Variants in ACOT11 observed in about 807,000 individuals in gnomAD.
ACOT11 encodes acyl-CoA thioesterase 11, also known as acyl-coenzyme A thioesterase 11.
Under a neutral mutation model 77.5 loss-of-function variants are expected in ACOT11, and 69 were observed. The observed-to-expected ratio is 0.89, with a 90% CI of 0.73 to 1.09. ACOT11 has a LOEUF of 1.09. Among genes scored for constraint, ACOT11 ranks in the 50% least tolerant of loss-of-function variants. The probability of loss-of-function intolerance (pLI) is 0.00; values close to 1 mark genes in which losing one functional copy is unlikely to be tolerated. For missense variants in ACOT11, 766 were observed against 813.7 expected (o/e 0.94, Z 0.71); for synonymous variants, 279 against 313.0 (o/e 0.89, Z 1.15).
chr1:54,612,744 G>T, downstream of ACOT11: 2 of 1,545,604 alleles, frequency 1.3e-6, no homozygotes, highest in Non-Finnish European at 1.8e-6. Context: ...GTCTCACGGA[G>T]CTGCAGCGGC....
In ACOT11 at chr1:54,607,952, G is replaced by A. The variant is rs774717264; in HGVS notation, c.1513G>A (p.Val505Ile). 3 of 1,613,878 alleles carry A rather than the reference G, an allele frequency of 1.9e-6. No individual in the cohort carries two copies. The South Asian group carries it at 3.3e-5, about 18-fold the overall frequency. Residue 505 changes from valine to isoleucine, a missense_variant, in exon 15 of 16, where the codon GTC becomes ATC. Transcript: ENST00000343744. The surrounding 1 kb of genome is among the most constrained non-coding windows in gnomAD (Gnocchi z 4.5). ...CCTTCCTTCACTCAGGGACCCCTAT[G>A]TCATCGCGCTGAGGTCGGTCACGCT... is the stretch of plus-strand genomic sequence containing the variant. Reference protein sequence around the residue: ...RKPCDNGDPYVIALRSVTLPT... With the variant: ...RKPCDNGDPYIIALRSVTLPT...
chr1:54,630,740 TG>T lies in ACOT11; in HGVS notation c.1639del (p.Val547LeufsTer5). On this transcript the variant is annotated frameshift_variant, in exon 16 of 17. Coordinates refer to the ACOT11 transcript ENST00000371316. LOFTEE classifies it high-confidence loss of function. ...TGTCTTTTAATTCCTCTAGTGCTGC[TG>T]GGTTAGGGTCTCCCTGACTGAGCTG... 1.4e-6 allele frequency: 1 copy of T among 735,906 alleles called. No homozygotes were observed. Among genetic ancestry groups the T allele is most frequent in the Non-Finnish European group, 2.5e-6 (1 of 397,502 alleles). The allele number at this position is 735,906 out of a possible 1,614,324, so 45.6% of individuals were successfully genotyped here.
intron 1 of ACOT11, among the ~76,000 whole-genome samples, chr1:54,561,944 C>G (rs1311306932): frequency 1.2e-5 from 1 of 82,870 alleles, no homozygotes; most frequent in Non-Finnish European, 2.2e-5. Flanking sequence ...CCGGACGGGG[C>G]GGCTGGCCGG....
intron 1 of ACOT11, among the ~76,000 whole-genome samples, chr1:54,579,547 G>A (rs1654231404): frequency 6.6e-6 from 1 of 152,198 alleles, no homozygotes; most frequent in Non-Finnish European, 1.5e-5. Context: ...CTGGGGGAGA[G>A]GGAAGGGGCT....
intron 13 of ACOT11, 99 bp downstream of exon 13, chr1:54,605,308 T>C (rs1644011973): frequency 7.0e-7 from 1 of 1,436,398 alleles, no homozygotes; most frequent in African/African-American, 1.4e-5. Flanking sequence ...TGCTCTGCCC[T>C]GCTGGGGCTG....
In ACOT11 at chr1:54,594,591, G is replaced by T; in HGVS notation, c.507G>T (p.Glu169Asp). Residue 169 changes from glutamate to aspartate, a missense_variant, in exon 6 of 16, where the codon GAG becomes GAT. Transcript: ENST00000343744. ...AGCAGATCACGCCGCGGACAGAAGAGGAGAAGATGGAGCACAGTGTGGCGG... is the reference window on the plus strand; with the variant it reads ...AGCAGATCACGCCGCGGACAGAAGATGAGAAGATGGAGCACAGTGTGGCGG... Reference protein sequence around the residue: ...KLKQITPRTEEEKMEHSVAAE... With the variant: ...KLKQITPRTEDEKMEHSVAAE... 1 of 1,614,130 alleles carries T rather than the reference G, an allele frequency of 6.2e-7. No homozygotes were observed. Among genetic ancestry groups the T allele is most frequent in the Non-Finnish European group, 8.5e-7 (1 of 1,179,980 alleles).
rs763020030 is a variant in ACOT11, at chr1:54,605,135, G to A, written c.1296G>A (p.Val432=). 6.2e-7 allele frequency: 1 copy of A among 1,614,032 alleles called. No individual in the cohort carries two copies. Among genetic ancestry groups the A allele is most frequent in the Non-Finnish European group, 8.5e-7 (1 of 1,180,034 alleles). Residue 432 remains valine, a synonymous_variant, in exon 13 of 16, where the codon GTG becomes GTA. Transcript: ENST00000343744. ...KFLSFHMEMV[V]HVDAAQAFLL... The stretch of plus-strand genomic sequence containing the variant: ...TCTCCTTCCACATGGAGATGGTGGT[G>A]CATGTGGATGCAGCCCAGGCCTTCC...
Position 54,568,590 on chromosome 1 carries a change from C to G in ACOT11, c.34-16065C>G, listed in dbSNP as rs527262408. On this transcript the variant is annotated intron_variant, in intron 1 of 15. Coordinates refer to ENST00000343744, the MANE Select transcript of ACOT11 (RefSeq NM_147161.4). The stretch of plus-strand genomic sequence containing the variant: ...TTTTGGTCAGACTGGTCTCCAGCTC[C>G]CAACCTCAGGTGATCCACTCACTTC... 1.3e-3 allele frequency among the ~76,000 whole-genome samples: 201 copies of G among 152,116 alleles called. 4 individuals carry two copies. Among genetic ancestry groups the G allele is most frequent in the South Asian group, 0.013 (62 of 4,820 alleles).
chr1:54,623,529 G>A, intron 15 of ACOT11: 1 of 700,982 alleles, frequency 1.4e-6, no homozygotes, highest in Non-Finnish European at 2.5e-6. Flanking sequence ...CTGCTCTGCA[G>A]CCCTGTAATA....
At chr1:54,615,588 T>C (rs1644164572) in intron 15 of ACOT11, among the ~76,000 whole-genome samples, 1 of 151,316 alleles carries the variant, frequency 6.6e-6, no homozygotes, top group Non-Finnish European at 1.5e-5. Flanking sequence ...GGGGTTAGGA[T>C]TGGTGGATGC....
chr1:54,568,277 T>G (rs972167382), intron 1 of ACOT11, among the ~76,000 whole-genome samples: 1 of 151,962 alleles, frequency 6.6e-6, no homozygotes, highest in Non-Finnish European at 1.5e-5. Context: ...CTCATAGCAC[T>G]TTTCCCTCTT....
In ACOT11 at chr1:54,554,002, G is replaced by T. The variant is rs138004487; in HGVS notation, c.33+5660G>T. Among the ~76,000 whole-genome samples the T allele has an allele frequency of 7.5e-3, 1,138 of 151,984 alleles. 11 individuals are homozygous for T. The highest frequency in any genetic ancestry group is 0.026 in the African/African-American group (1,074 of 41,456). On this transcript the variant is annotated intron_variant, in intron 1 of 15. Coordinates refer to ENST00000343744, the MANE Select transcript of ACOT11 (RefSeq NM_147161.4). The stretch of plus-strand genomic sequence containing the variant: ...CAGCCTGGGCAACATGGCAAAACCC[G>T]ATCTCTACAAAAACCACAAAAATTG...
chr1:54,593,031 A>G (rs972740261), intron 4 of ACOT11, among the ~76,000 whole-genome samples: 1 of 152,174 alleles, frequency 6.6e-6, no homozygotes, highest in South Asian at 2.1e-4. Flanking sequence ...CCGTCTCCTC[A>G]TCTGCAAAAG....
chr1:54,548,370 AG>A, intron 1 of ACOT11, 28 bp downstream of exon 1: 1 of 1,595,230 alleles, frequency 6.3e-7, no homozygotes, highest in African/African-American at 1.3e-5. Flanking sequence ...GGGCAGCGGG[AG>A]GGCTCTGGAA....
At chr1:54,594,444 C>A in intron 5 of ACOT11, 112 bp from the exon 6 acceptor site, 1 of 1,368,006 alleles carries the variant, frequency 7.3e-7, no homozygotes, top group Non-Finnish European at 9.8e-7. Context: ...TGAGCAGCAG[C>A]CCACGCCTGC....
At position 54,592,583 on chromosome 1, in the gene ACOT11, C is replaced by T. The variant is rs758240522; in HGVS notation, c.349C>T (p.Arg117Trp). 9.9e-6 allele frequency: 16 copies of T among 1,613,182 alleles called. No individual in the cohort carries two copies. The highest frequency in any genetic ancestry group is 3.3e-5 in the South Asian group (3 of 90,884). ...GGTGAATATCAAGGCCAAGGTGAACCGGGCCTTCAACTCCAGCATGGAGGT... is the reference window on the plus strand; with the variant it reads ...GGTGAATATCAAGGCCAAGGTGAACTGGGCCTTCAACTCCAGCATGGAGGT... ...QVVNIKAKVN[R>W]AFNSSMEVGI... The change falls in exon 4 of 16, where the codon CGG becomes TGG. Residue 117 changes from arginine to tryptophan, a missense_variant. Physicochemically the swap from Arg to Trp is moderately radical, Grantham distance 101. Coordinates refer to ENST00000343744, the MANE Select transcript of ACOT11 (RefSeq NM_147161.4).
rs372784167 is a variant in ACOT11, at chr1:54,609,875, A to G, written c.*763A>G. The G allele has an allele frequency of 6.2e-6, 10 of 1,613,496 alleles. No individual in the cohort carries two copies. The highest frequency in any genetic ancestry group is 3.3e-5 in the Admixed American group (2 of 60,010). On this transcript the variant is annotated 3_prime_UTR_variant, in exon 16 of 16. Coordinates refer to ENST00000343744, the MANE Select transcript of ACOT11 (RefSeq NM_147161.4). ...GATGTTGCCACTTGGAGTATGAACA[A>G]TGGGCACGGGGTTTTCAGCCACAGT...
downstream of ACOT11, chr1:54,610,720 C>T: frequency 1.0e-6 from 1 of 979,746 alleles, no homozygotes; most frequent in Non-Finnish European, 1.2e-6. Context: ...GAAGAAGTGA[C>T]TTGCCCAAGG....
At chr1:54,589,831 T>A (rs1654642657) in intron 3 of ACOT11, among the ~76,000 whole-genome samples, 1 of 152,014 alleles carries the variant, frequency 6.6e-6, no homozygotes, top group Non-Finnish European at 1.5e-5. Flanking sequence ...TAATTGTAAT[T>A]GGTTGCTTCT....
Sources: gnomAD v4.1 joint callset for allele counts (sites outside exome capture counted in the v4.1 genomes callset) on GRCh38, gnomAD v4.1.1 for gene constraint, Gnocchi (gnomAD v3.1) non-coding constraint, MANE v1.5 for transcripts, NCBI Gene and HGNC (gene_info 2026-07-23, HGNC 2026-07-21) for gene names.